Variants in ETV1 observed in about 807,000 individuals in gnomAD.
The protein encoded by ETV1 is ETS translocation variant 1.
Under a neutral mutation model 62.3 loss-of-function variants are expected in ETV1, and 27 were observed. The ratio of observed to expected loss-of-function variants is 0.43; its 90% CI spans 0.32 to 0.60. The LOEUF (loss-of-function observed/expected upper bound fraction) is 0.60, where lower values mean the gene tolerates loss of function less well. ETV1 is among the 20% of genes least tolerant of loss of function. The pLI is 0.06. For synonymous variants in ETV1, 222 were observed against 199.6 expected, an observed-to-expected ratio of 1.11 and a Z score of -0.94; for missense variants, 605 against 605.8, an observed-to-expected ratio of 1.00 and a Z score of 0.01.
intron 6 of ETV1, among the ~76,000 whole-genome samples, chr7:13,967,347 CA>C (rs1390102457): frequency 2.6e-5 from 4 of 152,008 alleles, no homozygotes; most frequent in Non-Finnish European, 1.5e-5. Context: ...CAAAACAAAC[CA>C]AAAAAACTTC....
chr7:13,981,236 T>C (rs995914455), intron 5 of ETV1, among the ~76,000 whole-genome samples: 8 of 152,128 alleles, frequency 5.3e-5, no homozygotes, highest in African/African-American at 1.9e-4. Context: ...GTATGAGTCA[T>C]TCTTTCTGCC....
At chr7:13,969,893 T>C (rs1474697411) in intron 6 of ETV1, among the ~76,000 whole-genome samples, 3 of 152,154 alleles carry the variant, frequency 2.0e-5, no homozygotes, top group African/African-American at 7.2e-5. Context: ...CTGTGAGTTG[T>C]GGGTTGCAGG....
intron 6 of ETV1, among the ~76,000 whole-genome samples, chr7:13,968,178 A>C (rs1780502776): frequency 1.3e-5 from 2 of 152,096 alleles, no homozygotes; most frequent in South Asian, 2.1e-4. Flanking sequence ...TAAGTAAAAA[A>C]TATTTGCTGA....
At chr7:13,941,767 G>C (rs1409460991) in intron 6 of ETV1, among the ~76,000 whole-genome samples, 1 of 151,946 alleles carries the variant, frequency 6.6e-6, no homozygotes, top group East Asian at 1.9e-4. Context: ...GCTATCGGGA[G>C]GCTGGGGCAC....
chr7:13,953,080 C>G (rs143856655), intron 6 of ETV1, among the ~76,000 whole-genome samples: 134 of 152,302 alleles, frequency 8.8e-4, no homozygotes, highest in African/African-American at 2.9e-3. Flanking sequence ...GATCGTCCTA[C>G]CCCTACTGGT....
rs1421961013 is a variant in ETV1, at chr7:13,892,346, T to C, written c.*3520A>G. On this transcript the variant is annotated 3_prime_UTR_variant, in exon 14 of 14. Transcript: ENST00000430479. ...GGCTTGATGTGATTACCAGACATTT[T>C]AGTGGAATAGTTGAAATTTAATATA... The C allele has an allele frequency of 4.3e-6, 1 of 232,626 alleles. No homozygotes were observed. Among genetic ancestry groups the C allele is most frequent in the African/African-American group, 2.2e-5 (1 of 45,320 alleles). 14.4% of individuals were successfully genotyped at this position (232,626 alleles called of 1,614,324 possible).
At chr7:13,922,459 G>A (rs1003897857) in intron 9 of ETV1, among the ~76,000 whole-genome samples, 1 of 152,164 alleles carries the variant, frequency 6.6e-6, no homozygotes, top group Non-Finnish European at 1.5e-5. Flanking sequence ...AAGTGACATT[G>A]GAATGTTCAG....
At chr7:13,909,482 G>T (rs1482821591) in intron 11 of ETV1, 150 bp downstream of exon 11, 6 of 644,246 alleles carry the variant, frequency 9.3e-6, no homozygotes, top group African/African-American at 1.8e-5. Context: ...GAGATAAATT[G>T]TAATAGGTCA....
intron 7 of ETV1, among the ~76,000 whole-genome samples, chr7:13,937,624 C>G (rs1172491995): frequency 6.6e-6 from 1 of 152,190 alleles, no homozygotes; most frequent in Non-Finnish European, 1.5e-5. Context: ...ATCTAACTGC[C>G]ATTGACTAGA....
At chr7:13,922,566 C>T (rs766798544) in intron 9 of ETV1, among the ~76,000 whole-genome samples, 7 of 151,996 alleles carry the variant, frequency 4.6e-5, no homozygotes, top group South Asian at 2.1e-4. Flanking sequence ...GGCAAGACAG[C>T]GAGACCCTAT....
rs760259108 is a variant in ETV1 at position 13,894,354 on chromosome 7, C to T, written c.*1512G>A. ...CTGCTTTCAATATTTTCTCCAAATG[C>T]AAAGCAAAAACAGAACAAAAAACTT... On this transcript the variant is annotated 3_prime_UTR_variant, in exon 14 of 14. Transcript: ENST00000430479. 4.3e-6 allele frequency: 1 copy of T among 231,566 alleles called. No homozygotes were observed. Among genetic ancestry groups the T allele is most frequent in the Non-Finnish European group, 8.6e-6 (1 of 116,826 alleles). The allele number at this position is 231,566 out of a possible 1,614,324, so 14.3% of individuals were successfully genotyped here. A position where few individuals can be genotyped will look rare whatever the true frequency, so the allele number is the denominator to read the frequency against.
chr7:13,942,070 C>A (rs1455611870), intron 6 of ETV1, among the ~76,000 whole-genome samples: 1 of 133,992 alleles, frequency 7.5e-6, no homozygotes, highest in African/African-American at 2.9e-5. Context: ...TTCGCCCAGG[C>A]TGGAGTGCAG....
At position 13,894,790 on chromosome 7, in the gene ETV1, G is replaced by T. The variant is rs933808227; in HGVS notation, c.*1076C>A. ...TTAGCATTATCTAATATTTATATAT[G>T]TTATCAACATAACACAGCAGTAAAA... On this transcript the variant is annotated 3_prime_UTR_variant, in exon 14 of 14. Coordinates refer to ENST00000430479, the MANE Select transcript of ETV1 (RefSeq NM_004956.5). The T allele has an allele frequency of 8.6e-6, 2 of 232,494 alleles. No homozygotes were observed. The highest frequency in any genetic ancestry group is 4.4e-5 in the African/African-American group (2 of 45,294). The allele number at this position is 232,494 out of a possible 1,614,324, so 14.4% of individuals were successfully genotyped here. A position where few individuals can be genotyped will look rare whatever the true frequency, so the allele number is the denominator to read the frequency against.
chr7:13,920,475 T>C (rs1371268583), intron 9 of ETV1, among the ~76,000 whole-genome samples: 1 of 151,874 alleles, frequency 6.6e-6, no homozygotes, highest in Non-Finnish European at 1.5e-5. Context: ...TGTGTTTCCT[T>C]TCAGTCTCCA....
In ETV1 at chr7:13,989,244, C is replaced by A; in HGVS notation, c.-88+24G>T. On this transcript the variant is annotated intron_variant, in intron 2 of 13. Coordinates refer to ENST00000430479, the MANE Select transcript of ETV1 (RefSeq NM_004956.5). ...CCGACAGTCCCATTCACAAAAATAA[C>A]CCTCCCTACACCGCCTCCTTCACCT... 5.1e-6 allele frequency: 3 copies of A among 590,030 alleles called. 1 individual carries two copies. The South Asian group carries it at 6.3e-5, about 12-fold the overall frequency. The allele number at this position is 590,030 out of a possible 1,614,324, so 36.5% of individuals were successfully genotyped here.
intron 6 of ETV1, among the ~76,000 whole-genome samples, chr7:13,959,277 A>G (rs887329348): frequency 6.6e-6 from 1 of 152,166 alleles, no homozygotes; most frequent in Non-Finnish European, 1.5e-5. Context: ...TTACCTGGTT[A>G]TCAATAGGAA....
At position 13,895,785 on chromosome 7, in the gene ETV1, TA is replaced by T; in HGVS notation, c.*80del. 1.1e-6 allele frequency: 1 copy of T among 921,448 alleles called. No homozygotes were observed. The highest frequency in any genetic ancestry group is 1.7e-6 in the Non-Finnish European group (1 of 594,772). 57.1% of individuals were successfully genotyped at this position (921,448 alleles called of 1,614,324 possible). On this transcript the variant is annotated 3_prime_UTR_variant, in exon 14 of 14. Coordinates refer to ENST00000430479, the MANE Select transcript of ETV1 (RefSeq NM_004956.5). The stretch of plus-strand genomic sequence containing the variant: ...AAAAATAAAATACAAACAACAGAAA[TA>T]AAACAAAGATTCAGCAATTCTCTGT...
intron 13 of ETV1, among the ~76,000 whole-genome samples, chr7:13,896,741 AAG>A (rs1453194045): frequency 4.3e-4 from 52 of 120,540 alleles, no homozygotes; most frequent in African/African-American, 1.2e-3. Flanking sequence ...AAAAGAAAGA[AAG>A]GAAAGAAAGA....
At chr7:13,954,915 CA>C (rs949813091) in intron 6 of ETV1, among the ~76,000 whole-genome samples, 1 of 152,006 alleles carries the variant, frequency 6.6e-6, no homozygotes, top group African/African-American at 2.4e-5. Context: ...TGGCTAGGGC[CA>C]AAAAAAGTAC....
Sources: allele counts gnomAD v4.1 joint callset (sites outside exome capture counted in the v4.1 genomes callset), GRCh38; gene constraint gnomAD v4.1.1; transcripts MANE v1.5; gene names NCBI Gene and HGNC (gene_info 2026-07-23, HGNC 2026-07-21).